The following HTRA1 variants were observed in gnomAD, a reference collection of about 807,000 sequenced individuals.
The protein encoded by HTRA1 is HtrA serine peptidase 1, also known as serine protease HTRA1.
HTRA1 carries 26 observed loss-of-function variants against 49.7 expected under a neutral mutation model. The ratio of observed to expected loss-of-function variants is 0.52; its 90% confidence interval spans 0.38 to 0.73. The LOEUF (loss-of-function observed/expected upper bound fraction) is 0.73. Ranked by LOEUF, HTRA1 falls within the 30% of genes least tolerant of loss-of-function variation. The pLI is 0.00. For synonymous variants in HTRA1, 291 were observed against 286.9 expected (o/e 1.01, Z -0.14); for missense variants, 561 against 667.2 (o/e 0.84, Z 1.75).
chr10:122,465,370 C>T (rs553213629), intron 1 of HTRA1, among the ~76,000 whole-genome samples: 34 of 152,252 alleles, frequency 2.2e-4, no homozygotes, highest in Non-Finnish European at 4.3e-4. Flanking sequence ...TTATTCTATG[C>T]CGGGTGCATA....
Position 122,488,952 on chromosome 10 carries a change from G to C in HTRA1, c.523G>C (p.Val175Leu). The change falls in exon 2 of 9, where the codon GTG becomes CTG. Residue 175 changes from valine (V) to leucine (L), a missense_variant. Val to Leu is a conservative substitution (Grantham distance 32). Coordinates refer to ENST00000368984, the MANE Select transcript of HTRA1 (RefSeq NM_002775.5). Reference protein sequence around the residue: ...LRHKYNFIADVVEKIAPAVVH... With the variant: ...LRHKYNFIADLVEKIAPAVVH... ...CCATAAATATAACTTTATCGCGGAC[G>C]TGGTGGAGAAGATCGCCCCTGCCGT... The C allele has an allele frequency of 1.2e-6, 2 of 1,614,176 alleles. No individual in the cohort carries two copies. Among genetic ancestry groups the C allele is most frequent in the Non-Finnish European group, 1.7e-6 (2 of 1,180,010 alleles).
intron 3 of HTRA1, among the ~76,000 whole-genome samples, chr10:122,498,385 T>G (rs1029349770): frequency 6.6e-6 from 1 of 152,226 alleles, no homozygotes; most frequent in African/African-American, 2.4e-5. Context: ...GTGATCTCAG[T>G]GCCCATCTGG....
At chr10:122,470,104 C>T (rs541596785) in intron 1 of HTRA1, among the ~76,000 whole-genome samples, 4 of 152,194 alleles carry the variant, frequency 2.6e-5, no homozygotes, top group East Asian at 1.9e-4. Context: ...ATTGATAGTG[C>T]GGTTCAGGTC....
chr10:122,508,918 A>G, intron 6 of HTRA1, 148 bp downstream of exon 6: 1 of 647,082 alleles, frequency 1.5e-6, no homozygotes, highest in South Asian at 1.7e-5. Flanking sequence ...GCACATTACT[A>G]AATCCCTCGC....
chr10:122,481,293 C>CA (rs113042692), intron 1 of HTRA1, among the ~76,000 whole-genome samples: 31,808 of 152,008 alleles, frequency 0.21, 3,581 homozygotes, highest in South Asian at 0.43. Flanking sequence ...GACTTCAAAG[C>CA]CACAAATATA....
At chr10:122,501,671 CT>C (rs1286148680) in intron 3 of HTRA1, among the ~76,000 whole-genome samples, 7 of 152,246 alleles carry the variant, frequency 4.6e-5, no homozygotes, top group African/African-American at 1.7e-4. Flanking sequence ...GCTGAGGTCG[CT>C]GCTTGATTGG....
chr10:122,505,131 A>G (rs972420127), intron 3 of HTRA1, among the ~76,000 whole-genome samples: 6 of 152,194 alleles, frequency 3.9e-5, no homozygotes, highest in Admixed American at 3.9e-4. Flanking sequence ...TGGACCATTG[A>G]GGTAGCTGTA....
At chr10:122,466,505 C>T (rs1266585019) in intron 1 of HTRA1, among the ~76,000 whole-genome samples, 1 of 152,130 alleles carries the variant, frequency 6.6e-6, no homozygotes, top group African/African-American at 2.4e-5. Context: ...TCGTGGGAAC[C>T]TCAAACAAGC....
intron 1 of HTRA1, among the ~76,000 whole-genome samples, chr10:122,473,245 T>G (rs2097486929): frequency 6.6e-6 from 1 of 152,128 alleles, no homozygotes; most frequent in Admixed American, 6.5e-5. Flanking sequence ...TGTCGGCTTG[T>G]CCTTCTAACA....
Position 122,508,647 on chromosome 10 carries a change from G to A in HTRA1, c.1006-9G>A. 6.4e-7 allele frequency: 1 copy of A among 1,570,088 alleles called. No homozygotes were observed. Among genetic ancestry groups the A allele is most frequent in the East Asian group, 2.2e-5 (1 of 44,696 alleles). ...CGATTCAGTAAGCCGTGTCCTTCTT[G>A]CTTTTCAGGACGGTGAAGTGATTGG... On this transcript the variant is annotated splice_polypyrimidine_tract_variant and intron_variant, in intron 5 of 8. Transcript: ENST00000368984.
At chr10:122,463,071 G>A (rs1413372294) in intron 1 of HTRA1, among the ~76,000 whole-genome samples, 2 of 152,282 alleles carry the variant, frequency 1.3e-5, no homozygotes, top group African/African-American at 4.8e-5. Flanking sequence ...CAGACAGCGG[G>A]GCTTGGCAGT....
chr10:122,476,198 T>G (rs182866442), intron 1 of HTRA1, among the ~76,000 whole-genome samples: 3 of 152,314 alleles, frequency 2.0e-5, no homozygotes, highest in Admixed American at 2.0e-4. Context: ...TGTGTTTCTC[T>G]GCAGTTCACG....
intron 1 of HTRA1, among the ~76,000 whole-genome samples, chr10:122,480,236 G>T (rs1190184471): frequency 6.6e-6 from 1 of 151,936 alleles, no homozygotes; most frequent in East Asian, 1.9e-4. Context: ...ACCTTTCTTA[G>T]TGTGGCTGGC....
chr10:122,514,073 G>A (rs555629385), intron 8 of HTRA1, 118 bp from the exon 9 acceptor site: 97 of 1,018,494 alleles, frequency 9.5e-5, no homozygotes, highest in South Asian at 5.6e-4. Flanking sequence ...GTTCGCCACC[G>A]TCCAATCCTG....
intron 1 of HTRA1, among the ~76,000 whole-genome samples, chr10:122,483,523 T>A (rs1259782396): frequency 6.6e-6 from 1 of 152,256 alleles, no homozygotes; most frequent in Non-Finnish European, 1.5e-5. Flanking sequence ...TATAAGTCAT[T>A]CAGTTTTTTA....
intron 1 of HTRA1, among the ~76,000 whole-genome samples, chr10:122,478,705 T>G (rs2097489733): frequency 6.6e-6 from 1 of 152,154 alleles, no homozygotes; most frequent in Non-Finnish European, 1.5e-5. Flanking sequence ...TTGACCAGAT[T>G]AAGGCAGCAT....
chr10:122,480,817 C>T (rs2097490666), intron 1 of HTRA1, among the ~76,000 whole-genome samples: 1 of 151,994 alleles, frequency 6.6e-6, no homozygotes, highest in East Asian at 1.9e-4. Context: ...AGAAAAACAC[C>T]CCTCAAAATT....
chr10:122,508,333 A>G (rs1218840286), intron 5 of HTRA1, among the ~76,000 whole-genome samples: 1 of 152,226 alleles, frequency 6.6e-6, no homozygotes, highest in Non-Finnish European at 1.5e-5. Context: ...CAGCCACCTA[A>G]AGGAGTTTGA....
intron 1 of HTRA1, among the ~76,000 whole-genome samples, chr10:122,474,500 C>A (rs2097487567): frequency 6.6e-6 from 1 of 152,192 alleles, no homozygotes. Flanking sequence ...CAGACTCAAC[C>A]CGGGTGGGCA....
Sources: gnomAD v4.1 joint callset for allele counts (sites outside exome capture counted in the v4.1 genomes callset) on GRCh38, gnomAD v4.1.1 for gene constraint, MANE v1.5 for transcripts, NCBI Gene and HGNC (gene_info 2026-07-23, HGNC 2026-07-21) for gene names.